The following MSH5 variants were observed in gnomAD, a reference collection of about 807,000 sequenced individuals.
The protein encoded by MSH5 is mutS protein homolog 5.
In MSH5, 78 loss-of-function variants were observed where a neutral mutation model predicts 107.7. That is an observed-to-expected ratio of 0.72 (90% CI 0.60 to 0.87). The LOEUF (loss-of-function observed/expected upper bound fraction) is 0.87. Among genes scored for constraint, MSH5 ranks in the 40% least tolerant of loss-of-function variants. MSH5 has a pLI of 0.00. For missense variants in MSH5, 889 were observed against 1,046.6 expected (o/e 0.85, Z 2.08); for synonymous variants, 326 against 399.5 (o/e 0.82, Z 2.19).
chr6:31,752,101 AAAT>A (rs1290304548), intron 10 of MSH5, among the ~76,000 whole-genome samples: 7 of 151,528 alleles, frequency 4.6e-5, no homozygotes, highest in Non-Finnish European at 1.0e-4. Context: ...TCCATCTCAA[AAAT>A]AATAATAATA....
intron 12 of MSH5, 104 bp downstream of exon 12, chr6:31,753,733 CTT>C (rs373471152): frequency 0.017 from 14,129 of 826,342 alleles, no homozygotes; most frequent in South Asian, 0.025. Flanking sequence ...ATTCTACCCT[CTT>C]TTTTTTTTTT....
rs1021038702 is a variant in MSH5, at chr6:31,760,484, C to T, written c.1813-206C>T. ...CCACTCCCAAGTATGTCTCTGCCCACGTCCCGTGCCTCTTCACTGATTCTA... is the reference window on the plus strand; with the variant it reads ...CCACTCCCAAGTATGTCTCTGCCCATGTCCCGTGCCTCTTCACTGATTCTA... On this transcript the variant is annotated intron_variant, in intron 19 of 24. Coordinates refer to ENST00000375750, the MANE Select transcript of MSH5 (RefSeq NM_172166.4). This position sits in a 1 kb window ranked among gnomAD's most constrained non-coding sequence, Gnocchi z 5.6. Among the ~76,000 whole-genome samples the T allele has an allele frequency of 2.6e-5, 4 of 152,238 alleles. No homozygotes were observed. Among genetic ancestry groups the T allele is most frequent in the African/African-American group, 4.8e-5 (2 of 41,466 alleles).
At position 31,741,204 on chromosome 6, in the gene MSH5, T is replaced by C. The variant is rs1351685901; in HGVS notation, c.189T>C (p.Ile63=). The C allele has an allele frequency of 6.2e-7, 1 of 1,612,832 alleles. No individual in the cohort carries two copies. The highest frequency in any genetic ancestry group is 8.5e-7 in the Non-Finnish European group (1 of 1,180,008). The change falls in exon 3 of 25, where the codon ATT becomes ATC. Residue 63 remains isoleucine (I), a synonymous_variant. Transcript: ENST00000375750. ...CVLWNSGYLG[I]AYYDTSDSTI... is the part of the protein sequence containing the mutation. ...TGTGGAATTCAGGATACTTGGGCATTGCCTACTATGATACTAGTGACTCCA... is the reference window on the plus strand; with the variant it reads ...TGTGGAATTCAGGATACTTGGGCATCGCCTACTATGATACTAGTGACTCCA...
chr6:31,762,063 T>C (rs1811063124), intron 23 of MSH5, 49 bp from the exon 24 acceptor site: 2 of 1,612,980 alleles, frequency 1.2e-6, no homozygotes, highest in Non-Finnish European at 1.7e-6. Context: ...TTATTTCCCC[T>C]TCTCTTCCCC....
chr6:31,760,845 AG>A lies in MSH5; in HGVS notation c.1962+9del. On this transcript the variant is annotated splice_region_variant and intron_variant, in intron 20 of 24. Transcript: ENST00000375750. This position sits in a 1 kb window ranked among gnomAD's most constrained non-coding sequence, Gnocchi z 5.6. ...TCATGATCGACCTCAACCAGGTCAA[AG>A]GGAACAAAGGGAGGTGGGATTGAGG... 2.5e-6 allele frequency: 4 copies of A among 1,610,334 alleles called. No individual in the cohort carries two copies. The highest frequency in any genetic ancestry group is 3.4e-6 in the Non-Finnish European group (4 of 1,178,198).
At chr6:31,753,543 G>C in intron 11 of MSH5, 24 bp from the exon 12 acceptor site, 2 of 1,614,046 alleles carry the variant, frequency 1.2e-6, no homozygotes, top group South Asian at 2.2e-5. Flanking sequence ...AGAAAACAGC[G>C]GCTGTAACCT....
chr6:31,753,713 G>T, intron 12 of MSH5, 84 bp downstream of exon 12: 1 of 1,278,640 alleles, frequency 7.8e-7, no homozygotes, highest in Non-Finnish European at 1.1e-6. Context: ...TAGACATGCT[G>T]TCCAATTTTA....
At chr6:31,743,004 T>C (rs775148741) in intron 4 of MSH5, 47 bp downstream of exon 4, 2 of 1,609,652 alleles carry the variant, frequency 1.2e-6, no homozygotes, top group Non-Finnish European at 1.7e-6. Context: ...AGGACTAATA[T>C]ATGGAATATT....
Position 31,761,875 on chromosome 6 carries a change from G to A in MSH5, c.2239G>A (p.Gly747Ser). Reference protein sequence around the residue: ...DLVFFYQVCEGVAKASHASHT... With the variant: ...DLVFFYQVCESVAKASHASHT... ...TGTCTTCTTCTATCAGGTTTGCGAA[G>A]GTGTTGCGAAGGCCAGCCATGCCTC... The change falls in exon 23 of 25, where the codon GGT (glycine) becomes AGT (serine). Residue 747 changes from glycine to serine, a missense_variant. This residue lies in a region of MSH5 where 362 missense variants were observed against 456.2 expected (regional missense o/e 0.79). Transcript: ENST00000375750. The surrounding 1 kb of genome is among the most constrained non-coding windows in gnomAD (Gnocchi z 5.3). 1 of 1,613,206 alleles carries A rather than the reference G, an allele frequency of 6.2e-7. No individual in the cohort carries two copies. The highest frequency in any genetic ancestry group is 8.5e-7 in the Non-Finnish European group (1 of 1,180,034).
chr6:31,762,429 A>G lies in MSH5; in HGVS notation c.2403A>G (p.Thr801=). 1 of 1,612,480 alleles carries G rather than the reference A, an allele frequency of 6.2e-7. No homozygotes were observed. Among genetic ancestry groups the G allele is most frequent in the South Asian group, 1.1e-5 (1 of 90,966 alleles). The part of the protein sequence containing the change: ...LKKNQMENCQ[T]LVDKFMKLDL... Reference sequence around the variant, plus strand: ...TTTCTCTCTTCTTCAGTTGCCAGACATTAGTGGATAAGTTTATGAAACTGG... The same window carrying G: ...TTTCTCTCTTCTTCAGTTGCCAGACGTTAGTGGATAAGTTTATGAAACTGG... Residue 801 remains threonine, a synonymous_variant, in exon 25 of 25, where the codon ACA becomes ACG. Transcript: ENST00000375750.
intron 5 of MSH5, 67 bp from the exon 6 acceptor site, chr6:31,743,837 C>T: frequency 1.3e-6 from 2 of 1,583,150 alleles, no homozygotes; most frequent in Non-Finnish European, 1.7e-6. Flanking sequence ...TCTATTGTCT[C>T]ATTCTTAAAA....
At position 31,761,810 on chromosome 6, in the gene MSH5, C is replaced by G. The variant is rs1317030294; in HGVS notation, c.2182-8C>G. The G allele has an allele frequency of 6.2e-7, 1 of 1,613,098 alleles. No homozygotes were observed. The highest frequency in any genetic ancestry group is 8.5e-7 in the Non-Finnish European group (1 of 1,180,026). ...TTGATGATACACTGTCTTTTATTCT[C>G]TTTTAAGACCATGGAGACCTGTGAG... On this transcript the variant is annotated splice_polypyrimidine_tract_variant and splice_region_variant and intron_variant, in intron 22 of 24. Coordinates refer to ENST00000375750, the MANE Select transcript of MSH5 (RefSeq NM_172166.4). This position sits in a 1 kb window ranked among gnomAD's most constrained non-coding sequence, Gnocchi z 5.3.
At chr6:31,755,216 A>G (rs1810340943) in intron 12 of MSH5, among the ~76,000 whole-genome samples, 1 of 152,084 alleles carries the variant, frequency 6.6e-6, no homozygotes, top group South Asian at 2.1e-4. Flanking sequence ...CAATGGCACA[A>G]TTGTAGCTCA....
intron 3 of MSH5, 75 bp downstream of exon 3, chr6:31,741,361 AC>A: frequency 7.2e-7 from 1 of 1,390,294 alleles, no homozygotes; most frequent in East Asian, 2.4e-5. Flanking sequence ...ACACACACAC[AC>A]ACACACACAC....
At chr6:31,741,382 C>CACAT (rs1562214752) in intron 3 of MSH5, 96 bp downstream of exon 3, 1 of 832,202 alleles carries the variant, frequency 1.2e-6, no homozygotes, top group Non-Finnish European at 1.6e-6. Context: ...CACACACACA[C>CACAT]ATATTTTTTT....
chr6:31,754,753 CTT>C (rs71552080), intron 12 of MSH5, among the ~76,000 whole-genome samples: 15 of 135,332 alleles, frequency 1.1e-4, no homozygotes, highest in Non-Finnish European at 1.1e-4. Context: ...TTTCTTTTTT[CTT>C]TTTTTTTTTT....
Position 31,761,356 on chromosome 6 carries a change from A to T in MSH5, c.2037+94A>T. On this transcript the variant is annotated intron_variant, in intron 21 of 24. Transcript: ENST00000375750. The surrounding 1 kb of genome is among the most constrained non-coding windows in gnomAD (Gnocchi z 5.3). ...AGTGAGGCTGGGCCTCTGGAATGGAATAGGGCTGTGTGGGCAGAAAAGAAA... is the reference window on the plus strand; with the variant it reads ...AGTGAGGCTGGGCCTCTGGAATGGATTAGGGCTGTGTGGGCAGAAAAGAAA... 6.2e-7 allele frequency: 1 copy of T among 1,605,318 alleles called. No individual in the cohort carries two copies. The highest frequency in any genetic ancestry group is 8.5e-7 in the Non-Finnish European group (1 of 1,174,270).
At position 31,758,315 on chromosome 6, in the gene MSH5, G is replaced by A. The variant is rs759481634; in HGVS notation, c.1143+22G>A. ...AGTAGTGAGTAGAAGGAAAAAGGGA[G>A]TGCACCCAGGGAGGTCAGGGAGAGA... On this transcript the variant is annotated intron_variant, in intron 13 of 24. Transcript: ENST00000375750. The surrounding 1 kb of genome is among the most constrained non-coding windows in gnomAD (Gnocchi z 5.1). 1 of 1,611,550 alleles carries A rather than the reference G, an allele frequency of 6.2e-7. No homozygotes were observed. Among genetic ancestry groups the A allele is most frequent in the East Asian group, 2.2e-5 (1 of 44,866 alleles).
Position 31,760,950 on chromosome 6 carries a change from A to T in MSH5, c.1962+111A>T. 7.7e-7 allele frequency: 1 copy of T among 1,294,658 alleles called. No homozygotes were observed. The highest frequency in any genetic ancestry group is 1.1e-6 in the Non-Finnish European group (1 of 943,952). 80.2% of individuals were successfully genotyped at this position (1,294,658 alleles called of 1,614,324 possible). On this transcript the variant is annotated intron_variant, in intron 20 of 24. Coordinates refer to ENST00000375750, the MANE Select transcript of MSH5 (RefSeq NM_172166.4). This position sits in a 1 kb window ranked among gnomAD's most constrained non-coding sequence, Gnocchi z 5.6. ...CCTCTGCTGCATGCCCTTTATACTA[A>T]AAGTGGGGAGCACTAAGGTCAGAGA...
Sources: allele counts gnomAD v4.1 joint callset (sites outside exome capture counted in the v4.1 genomes callset), GRCh38; gene constraint gnomAD v4.1.1; regional missense constraint gnomAD v4.1.1; non-coding constraint Gnocchi (gnomAD v3.1); transcripts MANE v1.5; gene names NCBI Gene and HGNC (gene_info 2026-07-23, HGNC 2026-07-21).